Variants in RNF121 observed in about 807,000 individuals in gnomAD.
The protein encoded by RNF121 is ring finger protein 121, also known as E3 ubiquitin ligase RNF121.
Under a neutral mutation model 46.5 loss-of-function variants are expected in RNF121, and 21 were observed. The observed-to-expected ratio is 0.45, with a 90% CI of 0.32 to 0.65. RNF121 has a LOEUF of 0.65. Among genes scored for constraint, RNF121 ranks in the 30% least tolerant of loss-of-function variants. RNF121 has a pLI of 0.04. For missense variants in RNF121, 346 were observed against 416.0 expected, an observed-to-expected ratio of 0.83 and a Z score of 1.46; for synonymous variants, 139 against 144.7, an observed-to-expected ratio of 0.96 and a Z score of 0.28.
Position 71,996,436 on chromosome 11 carries a change from A to AC in RNF121, c.*125dup. 8.0e-7 allele frequency: 1 copy of AC among 1,251,878 alleles called. No individual in the cohort carries two copies. Among genetic ancestry groups the AC allele is most frequent in the South Asian group, 1.5e-5 (1 of 66,634 alleles). 77.5% of individuals were successfully genotyped at this position (1,251,878 alleles called of 1,614,324 possible). ...CAAAGGGGTGCTTGGGCCACTCAGGACCCCTCTGGCTGTGTCGGACTGGGG... is the reference window on the plus strand; with the variant it reads ...CAAAGGGGTGCTTGGGCCACTCAGGACCCCCTCTGGCTGTGTCGGACTGGGG... On this transcript the variant is annotated 3_prime_UTR_variant, in exon 9 of 9. Transcript: ENST00000361756.
chr11:71,993,890 G>C (rs1954915942), intron 6 of RNF121, among the ~76,000 whole-genome samples: 1 of 150,174 alleles, frequency 6.7e-6, no homozygotes, highest in Non-Finnish European at 1.5e-5. Flanking sequence ...GCCCAGGCTG[G>C]AGTGCAGTGG....
intron 3 of RNF121, among the ~76,000 whole-genome samples, chr11:71,962,942 T>G (rs142889212): frequency 5.3e-5 from 8 of 152,338 alleles, no homozygotes; most frequent in Non-Finnish European, 1.2e-4. Context: ...TGGTGTTGAT[T>G]TGTATTTCCC....
rs570423619 is a variant in RNF121, at chr11:71,949,004, T to C, written c.64-8223T>C. Among the ~76,000 whole-genome samples the C allele has an allele frequency of 3.3e-5, 5 of 152,342 alleles. No homozygotes were observed. The East Asian group carries it at 7.7e-4, about 23-fold the overall frequency. On this transcript the variant is annotated intron_variant, in intron 1 of 8. Coordinates refer to ENST00000361756, the MANE Select transcript of RNF121 (RefSeq NM_018320.5). The stretch of plus-strand genomic sequence containing the variant: ...GGGCTTACACAGCATTTTGTGTATA[T>C]GTCAAAGGTTATCCTTATCATATTA...
chr11:71,969,159 T>C (rs1954363718), intron 3 of RNF121, among the ~76,000 whole-genome samples: 1 of 152,140 alleles, frequency 6.6e-6, no homozygotes, highest in African/African-American at 2.4e-5. Context: ...AGTGCTGGGA[T>C]TACAGACGTG....
At chr11:71,938,945 C>A (rs1196771797) in intron 1 of RNF121, 2 of 152,432 alleles carry the variant, frequency 1.3e-5, no homozygotes, top group African/African-American at 4.8e-5. Context: ...CGCTCTGTCG[C>A]CCAGGCTGGA....
intron 6 of RNF121, among the ~76,000 whole-genome samples, chr11:71,992,735 GAT>G (rs1343550732): frequency 1.3e-5 from 2 of 152,242 alleles, no homozygotes; most frequent in East Asian, 1.9e-4. Flanking sequence ...CTTTCACTGA[GAT>G]AGGAAATGCT....
At chr11:71,957,557 T>C (rs1479719241) in intron 2 of RNF121, among the ~76,000 whole-genome samples, 1 of 152,214 alleles carries the variant, frequency 6.6e-6, no homozygotes, top group Admixed American at 6.5e-5. Flanking sequence ...CTTTGCCCCA[T>C]TTGTAAAATG....
At chr11:71,943,747 A>G (rs997027295) in intron 1 of RNF121, among the ~76,000 whole-genome samples, 16 of 152,358 alleles carry the variant, frequency 1.1e-4, no homozygotes, top group African/African-American at 3.8e-4. Flanking sequence ...AAGTGATACC[A>G]TAGCTGAGTG....
At chr11:71,991,420 G>T (rs1954861778) in intron 6 of RNF121, among the ~76,000 whole-genome samples, 1 of 152,086 alleles carries the variant, frequency 6.6e-6, no homozygotes, top group Non-Finnish European at 1.5e-5. Flanking sequence ...AAATAAACAT[G>T]GTTTTTGCCC....
At chr11:71,935,603 T>C (rs1435101197) in intron 1 of RNF121, among the ~76,000 whole-genome samples, 1 of 152,206 alleles carries the variant, frequency 6.6e-6, no homozygotes, top group African/African-American at 2.4e-5. Flanking sequence ...GTGCCTGGCA[T>C]AGAGTATGAC....
intron 2 of RNF121, among the ~76,000 whole-genome samples, chr11:71,960,139 A>G (rs1954095949): frequency 6.6e-6 from 1 of 152,176 alleles, no homozygotes; most frequent in Non-Finnish European, 1.5e-5. Flanking sequence ...GCCTTTGAGG[A>G]GGCTGTTTAC....
rs1954658751 is a variant in RNF121, at chr11:71,981,535, G to A, written c.244-1226G>A. Among the ~76,000 whole-genome samples, 4 of 152,120 alleles carry A rather than the reference G, an allele frequency of 2.6e-5. No homozygotes were observed. In the South Asian group the frequency reaches 8.3e-4, roughly 32 times the overall value. On this transcript the variant is annotated intron_variant, in intron 3 of 8. Coordinates refer to ENST00000361756, the MANE Select transcript of RNF121 (RefSeq NM_018320.5). ...TTATACCTGCTACTCACTGGAGAAG[G>A]ATGACATCTAGTGACAGAAGGGTGG...
At chr11:71,990,060 A>C (rs768170847) in intron 5 of RNF121, among the ~76,000 whole-genome samples, 1 of 152,240 alleles carries the variant, frequency 6.6e-6, no homozygotes. Flanking sequence ...CTCTGTTGTC[A>C]TAAGCTGAGA....
intron 3 of RNF121, among the ~76,000 whole-genome samples, chr11:71,976,397 C>G (rs1954527799): frequency 7.0e-6 from 1 of 143,502 alleles, no homozygotes; most frequent in African/African-American, 2.6e-5. Flanking sequence ...GCTGTGTCGC[C>G]CGGGCTGGAG....
intron 1 of RNF121, among the ~76,000 whole-genome samples, chr11:71,946,672 G>A (rs1206838792): frequency 4.0e-5 from 6 of 150,306 alleles, no homozygotes; most frequent in East Asian, 1.9e-4. Context: ...TTAGAGTGAC[G>A]GAAATGATTT....
chr11:71,962,591 A>G (rs761431908), intron 3 of RNF121, among the ~76,000 whole-genome samples: 1 of 152,240 alleles, frequency 6.6e-6, no homozygotes, highest in Non-Finnish European at 1.5e-5. Flanking sequence ...TTTACTTGTT[A>G]CTACCACATC....
At chr11:71,967,418 C>T (rs1277134024) in intron 3 of RNF121, among the ~76,000 whole-genome samples, 14 of 128,302 alleles carry the variant, frequency 1.1e-4, no homozygotes, top group East Asian at 2.5e-4. Context: ...GGCATGGTCT[C>T]GGCTCACTGC....
chr11:71,952,695 G>A (rs1471260153), intron 1 of RNF121, among the ~76,000 whole-genome samples: 2 of 152,106 alleles, frequency 1.3e-5, no homozygotes, highest in African/African-American at 4.8e-5. Flanking sequence ...TGTAATCCTA[G>A]CTACTCAGGA....
intron 1 of RNF121, among the ~76,000 whole-genome samples, chr11:71,946,953 CG>C: frequency 6.8e-6 from 1 of 147,810 alleles, no homozygotes; most frequent in East Asian, 2.0e-4. Flanking sequence ...CTGCAACCTC[CG>C]CTTCCTGGGT....
Sources: allele counts gnomAD v4.1 joint callset (sites outside exome capture counted in the v4.1 genomes callset), GRCh38; gene constraint gnomAD v4.1.1; transcripts MANE v1.5; gene names NCBI Gene and HGNC (gene_info 2026-07-23, HGNC 2026-07-21).